RALGPS1: variants seen among roughly 807,000 people sequenced by gnomAD.
The protein encoded by RALGPS1 is ras-specific guanine nucleotide-releasing factor RalGPS1.
Under a neutral mutation model 78.8 loss-of-function variants are expected in RALGPS1, and 19 were observed. The observed-to-expected ratio is 0.24, with a 90% CI of 0.17 to 0.35. RALGPS1 has a LOEUF of 0.35. Ranked by LOEUF, RALGPS1 falls within the 10% of genes least tolerant of loss-of-function variation. The pLI, the probability that RALGPS1 is intolerant of heterozygous loss-of-function variation, is 1.00. For synonymous variants in RALGPS1, 228 were observed against 256.3 expected, an observed-to-expected ratio of 0.89 and a Z score of 1.06; for missense variants, 454 against 688.3, an observed-to-expected ratio of 0.66 and a Z score of 3.81.
At chr9:126,946,885 A>G (rs921615844) in intron 1 of RALGPS1, among the ~76,000 whole-genome samples, 1 of 152,194 alleles carries the variant, frequency 6.6e-6, no homozygotes, top group African/African-American at 2.4e-5. Flanking sequence ...TGGTGGCTGC[A>G]GGGGAGGATT....
intron 8 of RALGPS1, among the ~76,000 whole-genome samples, chr9:127,129,980 C>G (rs2056895410): frequency 6.6e-6 from 1 of 152,198 alleles, no homozygotes; most frequent in Admixed American, 6.5e-5. Context: ...CCTCTATGGG[C>G]TCTCTTACCT....
chr9:126,952,461 C>T lies in RALGPS1; in HGVS notation c.-65-9764C>T, dbSNP rs571049180. ...TGCTGCTACTTGCCAGGAAAGGAGG[C>T]TTGGAGAGTTTGGAGAGGGTCAGGA... On this transcript the variant is annotated intron_variant, in intron 1 of 18. Coordinates refer to ENST00000259351, the MANE Select transcript of RALGPS1 (RefSeq NM_014636.3). Among the ~76,000 whole-genome samples the T allele has an allele frequency of 2.6e-5, 4 of 152,128 alleles. No individual in the cohort carries two copies. In the East Asian group the frequency reaches 7.7e-4, roughly 29 times the overall value.
At chr9:127,166,839 G>C (rs1483085268) in intron 9 of RALGPS1, among the ~76,000 whole-genome samples, 1 of 152,194 alleles carries the variant, frequency 6.6e-6, no homozygotes, top group Non-Finnish European at 1.5e-5. Context: ...TGTGTAAGAG[G>C]GATGGAGAAA....
intron 3 of RALGPS1, among the ~76,000 whole-genome samples, chr9:126,972,712 A>T (rs1249430280): frequency 6.6e-6 from 1 of 152,210 alleles, no homozygotes; most frequent in East Asian, 1.9e-4. Flanking sequence ...TCTTCAGCAG[A>T]TGTATTACAA....
intron 11 of RALGPS1, among the ~76,000 whole-genome samples, chr9:127,185,315 C>G (rs2060572194): frequency 1.3e-5 from 2 of 152,218 alleles, no homozygotes; most frequent in South Asian, 4.1e-4. Context: ...CTCTGTCAAC[C>G]CGAGTCTGTG....
intron 11 of RALGPS1, among the ~76,000 whole-genome samples, chr9:127,181,597 G>C (rs1167030632): frequency 6.6e-6 from 1 of 152,186 alleles, no homozygotes; most frequent in Non-Finnish European, 1.5e-5. Flanking sequence ...TCCTCAGAAG[G>C]CAACTTCCAT....
At chr9:126,943,039 T>G (rs1439312165) in intron 1 of RALGPS1, among the ~76,000 whole-genome samples, 1 of 152,240 alleles carries the variant, frequency 6.6e-6, no homozygotes, top group Non-Finnish European at 1.5e-5. Context: ...CATAGATTTC[T>G]CTCTAGTCCA....
chr9:126,937,207 T>C (rs1405067578), intron 1 of RALGPS1, among the ~76,000 whole-genome samples: 1 of 152,190 alleles, frequency 6.6e-6, no homozygotes, highest in Non-Finnish European at 1.5e-5. Context: ...TGAGTTGGAA[T>C]TTCTATTATT....
intron 4 of RALGPS1, among the ~76,000 whole-genome samples, chr9:126,985,101 T>G (rs375998716): frequency 3.3e-5 from 5 of 152,344 alleles, no homozygotes; most frequent in East Asian, 1.9e-4. Context: ...GCCCTGTGAC[T>G]TGGTTTTGCC....
At chr9:127,021,576 G>A (rs1293926825) in intron 4 of RALGPS1, among the ~76,000 whole-genome samples, 1 of 146,076 alleles carries the variant, frequency 6.8e-6, no homozygotes, top group East Asian at 2.0e-4. Flanking sequence ...TTTCTGTAAT[G>A]AACATGTATT....
At chr9:126,983,677 C>G (rs913422322) in intron 4 of RALGPS1, among the ~76,000 whole-genome samples, 7 of 152,084 alleles carry the variant, frequency 4.6e-5, no homozygotes, top group Non-Finnish European at 2.9e-5. Context: ...CCTTTTTATT[C>G]TAGTGTAGTC....
At chr9:127,007,515 A>T (rs1189972504) in intron 4 of RALGPS1, among the ~76,000 whole-genome samples, 1 of 152,204 alleles carries the variant, frequency 6.6e-6, no homozygotes. Flanking sequence ...TAGAAGGAGC[A>T]TCCAGCTTTG....
At chr9:127,037,725 C>G (rs2046978052) in intron 5 of RALGPS1, among the ~76,000 whole-genome samples, 1 of 152,230 alleles carries the variant, frequency 6.6e-6, no homozygotes, top group Non-Finnish European at 1.5e-5. Flanking sequence ...AGGGCAACCT[C>G]AGGAGAAAAG....
chr9:127,158,563 T>A (rs181649652), intron 8 of RALGPS1, among the ~76,000 whole-genome samples: 1 of 152,296 alleles, frequency 6.6e-6, no homozygotes, highest in East Asian at 1.9e-4. Flanking sequence ...GATTGTCCAT[T>A]TCATTGATTT....
In RALGPS1 at chr9:127,155,863, T is replaced by C. The variant is rs1292173345; in HGVS notation, c.611-10206T>C. 6.6e-5 allele frequency among the ~76,000 whole-genome samples: 10 copies of C among 151,402 alleles called. No homozygotes were observed. In the South Asian group the frequency reaches 2.1e-3, roughly 32 times the overall value. On this transcript the variant is annotated intron_variant, in intron 8 of 18. Transcript: ENST00000259351. ...TTCTCCCTGCCAAAAAAGTGTTTGCTTCTTTAATAGAAAGAGAAAGAAAGA... is the reference window on the plus strand; with the variant it reads ...TTCTCCCTGCCAAAAAAGTGTTTGCCTCTTTAATAGAAAGAGAAAGAAAGA...
chr9:127,174,790 A>C lies in RALGPS1; in HGVS notation c.910+8A>C, dbSNP rs760022884. 2 of 1,613,090 alleles carry C rather than the reference A, an allele frequency of 1.2e-6. No homozygotes were observed. The highest frequency in any genetic ancestry group is 3.3e-5 in the Admixed American group (2 of 60,028). ...CCAAGGAAGATCTTGCAGGTATCGTAGCTACCTCGAGTGGGAGCAAACCCA... is the reference window on the plus strand; with the variant it reads ...CCAAGGAAGATCTTGCAGGTATCGTCGCTACCTCGAGTGGGAGCAAACCCA... On this transcript the variant is annotated splice_region_variant and intron_variant, in intron 11 of 18. Transcript: ENST00000259351.
At chr9:127,168,891 A>T (rs1445485575) in intron 10 of RALGPS1, 119 bp downstream of exon 10, 4 of 764,606 alleles carry the variant, frequency 5.2e-6, no homozygotes, top group Non-Finnish European at 9.1e-6. Context: ...TGCAGGGCTT[A>T]TCAGAGTCCA....
chr9:127,094,303 C>T (rs963750531), intron 8 of RALGPS1, among the ~76,000 whole-genome samples: 2 of 152,072 alleles, frequency 1.3e-5, no homozygotes, highest in Non-Finnish European at 1.5e-5. Context: ...TGATCTTTTT[C>T]GTGTTCATTA....
Position 127,220,648 on chromosome 9 carries a change from T to C in RALGPS1, c.*1879T>C, listed in dbSNP as rs2062748919. 2 of 152,256 alleles carry C rather than the reference T, an allele frequency of 1.3e-5. 1 individual carries two copies. Among genetic ancestry groups the C allele is most frequent in the Non-Finnish European group, 2.9e-5 (2 of 68,046 alleles). The allele number at this position is 152,256 out of a possible 1,614,324, so 9.4% of individuals were successfully genotyped here. ...GAATGACAATGCCAAACACTCCACC[T>C]CTGATCAGAACCATGCAGTGTTAAC... On this transcript the variant is annotated 3_prime_UTR_variant, in exon 19 of 19. Coordinates refer to ENST00000259351, the MANE Select transcript of RALGPS1 (RefSeq NM_014636.3).
Sources: allele counts gnomAD v4.1 joint callset (sites outside exome capture counted in the v4.1 genomes callset), GRCh38; gene constraint gnomAD v4.1.1; transcripts MANE v1.5; gene names NCBI Gene and HGNC (gene_info 2026-07-23, HGNC 2026-07-21).